Variants in PCDHA4 observed in about 807,000 individuals in gnomAD.
PCDHA4 encodes the protein protocadherin alpha 4.
PCDHA4 carries 49 observed loss-of-function variants against 61.4 expected under a neutral mutation model. That is an observed-to-expected ratio of 0.80 (90% CI 0.63 to 1.01). The LOEUF (loss-of-function observed/expected upper bound fraction) is 1.01, where lower values mean the gene tolerates loss of function less well. Among genes scored for constraint, PCDHA4 ranks in the 50% least tolerant of loss-of-function variants. PCDHA4 has a pLI of 0.00. For missense variants in PCDHA4, 1,254 were observed against 1,235.8 expected, an observed-to-expected ratio of 1.01 and a Z score of -0.22; for synonymous variants, 590 against 550.3, an observed-to-expected ratio of 1.07 and a Z score of -1.01.
rs114972611 is a variant in PCDHA4, at chr5:140,834,172, G to T, written c.2385+24600G>T. The T allele has an allele frequency of 2.1e-3, 1,163 of 551,264 alleles. 13 individuals carry two copies. Among genetic ancestry groups the T allele is most frequent in the African/African-American group, 0.016 (867 of 53,444 alleles). The allele number at this position is 551,264 out of a possible 1,614,324, so 34.1% of individuals were successfully genotyped here. ...AATGGTTTGTAATTCTTACTTACAT[G>T]ATGGCCACATGATGTCGCTCTTTAC... On this transcript the variant is annotated intron_variant, in intron 1 of 3. Transcript: ENST00000530339.
intron 1 of PCDHA4, among the ~76,000 whole-genome samples, chr5:140,907,345 G>A (rs568376480): frequency 3.3e-5 from 5 of 152,296 alleles, no homozygotes; most frequent in East Asian, 1.9e-4. Flanking sequence ...GCATGAGCCC[G>A]CTGCTGCACT....
At chr5:141,007,712 A>G (rs2098342161) in intron 3 of PCDHA4, among the ~76,000 whole-genome samples, 1 of 152,170 alleles carries the variant, frequency 6.6e-6, no homozygotes, top group Non-Finnish European at 1.5e-5. Context: ...GCCTCCCACC[A>G]CCAGGGAGAA....
intron 1 of PCDHA4, chr5:140,870,868 G>C (rs550915753): frequency 1.2e-6 from 2 of 1,613,944 alleles, no homozygotes; most frequent in Non-Finnish European, 1.7e-6. Context: ...TGCGGGCCAC[G>C]TGGTGGCGAA....
At chr5:140,896,114 G>A (rs1165904850) in intron 1 of PCDHA4, among the ~76,000 whole-genome samples, 1 of 152,030 alleles carries the variant, frequency 6.6e-6, no homozygotes, top group Non-Finnish European at 1.5e-5. Context: ...CCTGGCCAAT[G>A]TACTGCATTT....
At chr5:140,982,665 A>T in intron 3 of PCDHA4, 102 bp downstream of exon 3, 1 of 1,465,322 alleles carries the variant, frequency 6.8e-7, no homozygotes, top group Non-Finnish European at 9.0e-7. Context: ...TTTCTTTTAT[A>T]TTTTTGTTAT....
chr5:140,951,659 C>A (rs1293655737), intron 1 of PCDHA4, among the ~76,000 whole-genome samples: 1 of 152,164 alleles, frequency 6.6e-6, no homozygotes, highest in Non-Finnish European at 1.5e-5. Context: ...CCCACCAGGG[C>A]CTGCCTACAA....
At chr5:140,830,154 G>A (rs2150182095) in intron 1 of PCDHA4, 6 of 1,613,332 alleles carry the variant, frequency 3.7e-6, no homozygotes, top group South Asian at 1.1e-5. Context: ...GGCGCCGCGG[G>A]CCCAGAGGCG....
intron 1 of PCDHA4, chr5:140,884,138 G>T (rs782798249): frequency 6.2e-7 from 1 of 1,613,410 alleles, no homozygotes; most frequent in Admixed American, 1.7e-5. Context: ...CCCGTTCCGC[G>T]TGGGGCTGTA....
intron 1 of PCDHA4, among the ~76,000 whole-genome samples, chr5:140,912,103 G>A (rs1431283462): frequency 6.6e-6 from 1 of 152,212 alleles, no homozygotes; most frequent in Non-Finnish European, 1.5e-5. Context: ...GGAGAAAGAT[G>A]TAGGCTGGGA....
At chr5:140,940,285 T>C (rs2092587239) in intron 1 of PCDHA4, among the ~76,000 whole-genome samples, 3 of 152,222 alleles carry the variant, frequency 2.0e-5, no homozygotes, top group Admixed American at 6.5e-5. Context: ...CTCATTGTGC[T>C]GCTTCATCAG....
chr5:140,956,522 C>T (rs1043265748), intron 1 of PCDHA4, among the ~76,000 whole-genome samples: 14 of 152,116 alleles, frequency 9.2e-5, no homozygotes, highest in Non-Finnish European at 1.9e-4. Flanking sequence ...GGTGAATAAG[C>T]TTTTTGATGT....
At chr5:140,840,225 A>G (rs1261642002) in intron 1 of PCDHA4, among the ~76,000 whole-genome samples, 2 of 152,034 alleles carry the variant, frequency 1.3e-5, no homozygotes, top group Non-Finnish European at 2.9e-5. Flanking sequence ...CATATGAGTA[A>G]ATGTGGAGAA....
chr5:140,808,294 C>A lies in PCDHA4; in HGVS notation c.1107C>A (p.Ile369=). Residue 369 remains isoleucine (I), a synonymous_variant, in exon 1 of 4, where the codon ATC becomes ATA. Coordinates refer to ENST00000530339, the MANE Select transcript of PCDHA4 (RefSeq NM_018907.4). The part of the protein sequence containing the change: ...IREDAPLGTV[I]ALISVSDKDM... ...AGGACGCTCCACTGGGTACAGTCAT[C>A]GCCCTGATCAGCGTGTCCGACAAAG... 1.2e-6 allele frequency: 2 copies of A among 1,614,274 alleles called. No homozygotes were observed. Among genetic ancestry groups the A allele is most frequent in the Middle Eastern group, 1.7e-4 (1 of 6,060 alleles).
chr5:141,012,057 A>G lies in PCDHA4; in HGVS notation c.*2120A>G, dbSNP rs2098422809. 6.5e-6 allele frequency: 1 copy of G among 153,774 alleles called. No individual in the cohort carries two copies. Among genetic ancestry groups the G allele is most frequent in the African/African-American group, 2.4e-5 (1 of 41,454 alleles). The allele number at this position is 153,774 out of a possible 1,614,324, so 9.5% of individuals were successfully genotyped here. A position where few individuals can be genotyped will look rare whatever the true frequency, so the allele number is the denominator to read the frequency against. Reference sequence around the variant, plus strand: ...ATTGCATGGGGTAAAACTTGTTACCAACACATGTGAACCATTGCTACATTG... The same window carrying G: ...ATTGCATGGGGTAAAACTTGTTACCGACACATGTGAACCATTGCTACATTG... On this transcript the variant is annotated 3_prime_UTR_variant, in exon 4 of 4. Transcript: ENST00000530339.
At chr5:140,995,155 A>T (rs2097666869) in intron 3 of PCDHA4, among the ~76,000 whole-genome samples, 2 of 152,194 alleles carry the variant, frequency 1.3e-5, no homozygotes, top group Non-Finnish European at 2.9e-5. Flanking sequence ...CTTTATATAC[A>T]TTATGTTCTT....
intron 1 of PCDHA4, chr5:140,834,145 G>C (rs1260830978): frequency 1.9e-6 from 1 of 519,062 alleles, no homozygotes; most frequent in African/African-American, 1.9e-5. Context: ...TTAATAGTTT[G>C]TAATGGTTTG....
intron 1 of PCDHA4, among the ~76,000 whole-genome samples, chr5:140,891,471 C>T (rs1239816606): frequency 6.6e-6 from 1 of 151,474 alleles, no homozygotes; most frequent in Non-Finnish European, 1.5e-5. Flanking sequence ...GAATTAATGC[C>T]TTTACATCAC....
chr5:140,850,829 T>C (rs1431549655), intron 1 of PCDHA4: 6 of 1,597,986 alleles, frequency 3.8e-6, no homozygotes, highest in Non-Finnish European at 4.3e-6. Context: ...GCCTTTCTCC[T>C]TGTGCTGGAT....
At chr5:140,955,847 T>C (rs2095231839) in intron 1 of PCDHA4, among the ~76,000 whole-genome samples, 2 of 152,216 alleles carry the variant, frequency 1.3e-5, no homozygotes, top group Non-Finnish European at 2.9e-5. Context: ...TCATTCTCCT[T>C]GAAGAGGTCC....
Sources: allele counts gnomAD v4.1 joint callset (sites outside exome capture counted in the v4.1 genomes callset), GRCh38; gene constraint gnomAD v4.1.1; transcripts MANE v1.5; gene names NCBI Gene and HGNC (gene_info 2026-07-23, HGNC 2026-07-21).